Variants in SIK3 observed in about 807,000 individuals in gnomAD.
SIK3 encodes the protein SIK family kinase 3.
In SIK3, 28 loss-of-function variants were observed where a neutral mutation model predicts 144.2. The observed-to-expected ratio is 0.19, with a 90% CI of 0.14 to 0.27. SIK3 has a LOEUF of 0.27. SIK3 is among the 10% of genes least tolerant of loss of function. The pLI, the probability that SIK3 is intolerant of heterozygous loss-of-function variation, is 1.00. For synonymous variants in SIK3, 686 were observed against 676.3 expected (o/e 1.01, Z -0.22); for missense variants, 1,319 against 1,776.0 (o/e 0.74, Z 4.62).
In SIK3 at chr11:116,858,235, C is replaced by T. The variant is rs745572437; in HGVS notation, c.3230G>A (p.Ser1077Asn). 2.4e-5 allele frequency: 38 copies of T among 1,614,114 alleles called. No individual in the cohort carries two copies. The East Asian group carries it at 8.2e-4, about 35-fold the overall frequency. Reference sequence around the variant, plus strand: ...CTGTCCCCCAAGGCTGGGAGCCAGACTCCCCGCATCCCCTTGGTTCATGTG... The same window carrying T: ...CTGTCCCCCAAGGCTGGGAGCCAGATTCCCCGCATCCCCTTGGTTCATGTG... ...FRHMNQGDAGSLAPSLGGQSM... is the reference protein window; with the variant it reads ...FRHMNQGDAGNLAPSLGGQSM... Residue 1077 changes from serine (S) to asparagine (N), a missense_variant, in exon 21 of 25, where the codon AGT (serine) becomes AAT (asparagine). Coordinates refer to ENST00000445177, the MANE Select transcript of SIK3 (RefSeq NM_001366686.3). This position sits in a 1 kb window ranked among gnomAD's most constrained non-coding sequence, Gnocchi z 5.4.
chr11:117,087,274 C>A (rs1190245575), intron 1 of SIK3, among the ~76,000 whole-genome samples: 2 of 151,930 alleles, frequency 1.3e-5, no homozygotes, highest in Non-Finnish European at 2.9e-5. Context: ...TGAAACCCAT[C>A]TCTACTAAAA....
chr11:116,854,910 G>A (rs1424127985), intron 21 of SIK3, among the ~76,000 whole-genome samples: 2 of 151,776 alleles, frequency 1.3e-5, no homozygotes, highest in East Asian at 1.9e-4. Flanking sequence ...GGCCAACATG[G>A]TGAAACCCCG....
chr11:117,027,875 T>C (rs946792950), intron 1 of SIK3, among the ~76,000 whole-genome samples: 1 of 152,256 alleles, frequency 6.6e-6, no homozygotes, highest in Admixed American at 6.5e-5. Context: ...GGCAACCAAA[T>C]TATAGCAAAA....
intron 1 of SIK3, among the ~76,000 whole-genome samples, chr11:117,082,284 T>A (rs1180572726): frequency 1.3e-5 from 2 of 152,154 alleles, no homozygotes; most frequent in East Asian, 1.9e-4. Context: ...CCTAGGTATA[T>A]GCCCAAGAAA....
At chr11:116,966,835 A>G (rs1026016126) in intron 1 of SIK3, among the ~76,000 whole-genome samples, 24 of 151,870 alleles carry the variant, frequency 1.6e-4, no homozygotes, top group Admixed American at 1.6e-3. Flanking sequence ...CCCCGTCTCT[A>G]CTAAAAATAC....
intron 15 of SIK3, among the ~76,000 whole-genome samples, chr11:116,866,807 T>C (rs1943672471): frequency 6.6e-6 from 1 of 152,202 alleles, no homozygotes; most frequent in South Asian, 2.1e-4. Flanking sequence ...AAAGCCTGTC[T>C]TTCTGTGCCA....
chr11:117,014,124 C>A (rs1302888023), intron 1 of SIK3, among the ~76,000 whole-genome samples: 1 of 151,018 alleles, frequency 6.6e-6, no homozygotes, highest in Non-Finnish European at 1.5e-5. Context: ...GGATTACAGG[C>A]ATCAGCCACC....
intron 1 of SIK3, among the ~76,000 whole-genome samples, chr11:117,027,227 A>G (rs1364706805): frequency 1.3e-5 from 2 of 152,212 alleles, no homozygotes; most frequent in Non-Finnish European, 2.9e-5. Flanking sequence ...TCTCTGCTCT[A>G]ACTATACATC....
intron 1 of SIK3, among the ~76,000 whole-genome samples, chr11:117,051,690 G>A (rs1451163719): frequency 2.0e-5 from 3 of 151,680 alleles, no homozygotes; most frequent in Non-Finnish European, 2.9e-5. Flanking sequence ...CACCATGCCC[G>A]GCTAATTTTT....
In SIK3 at chr11:116,849,623, G is replaced by C. The variant is rs1466134482; in HGVS notation, c.3656-340C>G. 6.6e-6 allele frequency among the ~76,000 whole-genome samples: 1 copy of C among 152,048 alleles called. No individual in the cohort carries two copies. The highest frequency in any genetic ancestry group is 1.5e-5 in the Non-Finnish European group (1 of 68,014). On this transcript the variant is annotated intron_variant, in intron 21 of 24. Transcript: ENST00000445177. This position sits in a 1 kb window ranked among gnomAD's most constrained non-coding sequence, Gnocchi z 4.2. ...TGAGAATTACTCTCGGAGCTTTCAG[G>C]ACCCTCTAGCCCTAGAGGATGCATC...
At chr11:117,013,967 CTTTTCTTTTTTTTTTTTTTTTTTTTTT>C (rs1471853059) in intron 1 of SIK3, among the ~76,000 whole-genome samples, 1 of 7,374 alleles carries the variant, frequency 1.4e-4, no homozygotes, top group Admixed American at 2.2e-3. Flanking sequence ...TTCTTTTTTT[CTTTTCTTTTTTTTTTTTTTTTTTTTTT>C]GAGACAGGAT....
chr11:117,066,240 T>C (rs1954012333), intron 1 of SIK3, among the ~76,000 whole-genome samples: 1 of 151,918 alleles, frequency 6.6e-6, no homozygotes, highest in Non-Finnish European at 1.5e-5. Context: ...GGCTAATTTT[T>C]GTATTTTCAT....
chr11:116,930,049 T>TC (rs1332292277), intron 3 of SIK3, among the ~76,000 whole-genome samples: 10 of 152,084 alleles, frequency 6.6e-5, no homozygotes, highest in Non-Finnish European at 1.3e-4. Flanking sequence ...CTTTTTTTTT[T>TC]CCCCTGGACT....
intron 1 of SIK3, among the ~76,000 whole-genome samples, chr11:117,064,077 A>G (rs1399886138): frequency 1.3e-5 from 2 of 152,208 alleles, no homozygotes; most frequent in Non-Finnish European, 2.9e-5. Context: ...GCACAGCATT[A>G]AGAATTCACA....
rs557991935 is a variant in SIK3, at chr11:116,987,133, AAAAC to A, written c.274-30073_274-30070del. Among the ~76,000 whole-genome samples the A allele has an allele frequency of 5.3e-5, 8 of 152,280 alleles. 1 individual carries two copies. The South Asian group carries it at 1.5e-3, about 28-fold the overall frequency. ...TTTTATATTATGTGCATTTTACCACAAAACAAACAAACAAATTGGTACTAGCTCA... is the reference window on the plus strand; with the variant it reads ...TTTTATATTATGTGCATTTTACCACAAAACAAACAAATTGGTACTAGCTCA... On this transcript the variant is annotated intron_variant, in intron 1 of 24. Coordinates refer to ENST00000445177, the MANE Select transcript of SIK3 (RefSeq NM_001366686.3).
At position 116,862,475 on chromosome 11, in the gene SIK3, C is replaced by T. The variant is rs951333928; in HGVS notation, c.2104-148G>A. Reference sequence around the variant, plus strand: ...CTTGATGAGCAATTAACTCATTTACCTAAGTATCTGGTGCACTAAATAGAT... The same window carrying T: ...CTTGATGAGCAATTAACTCATTTACTTAAGTATCTGGTGCACTAAATAGAT... On this transcript the variant is annotated intron_variant, in intron 16 of 24. Transcript: ENST00000445177. 2.2e-5 allele frequency: 21 copies of T among 938,290 alleles called. No individual in the cohort carries two copies. In the African/African-American group the frequency reaches 2.8e-4, roughly 12 times the overall value. 58.1% of individuals were successfully genotyped at this position (938,290 alleles called of 1,614,324 possible).
intron 1 of SIK3, among the ~76,000 whole-genome samples, chr11:117,079,700 A>G (rs1042548947): frequency 6.6e-6 from 1 of 152,128 alleles, no homozygotes; most frequent in Non-Finnish European, 1.5e-5. Flanking sequence ...ATGGGTAAAT[A>G]TTTTTATATA....
Position 116,874,016 on chromosome 11 carries a change from A to G in SIK3, c.1468T>C (p.Phe490Leu). ...GGAGCCTGGGGGTTGACTCCAGGAA[A>G]GCCAGGTAGGAGCTTCTGCAGATCT... Reference protein sequence around the residue: ...MEDLQKLLPGFPGVNPQAPFL... With the variant: ...MEDLQKLLPGLPGVNPQAPFL... The change falls in exon 12 of 25, where the codon TTT becomes CTT. Residue 490 changes from phenylalanine (F) to leucine (L), a missense_variant. By Grantham distance (22) the Phe-to-Leu change is conservative (BLOSUM62 0). Transcript: ENST00000445177. 6.2e-7 allele frequency: 1 copy of G among 1,614,174 alleles called. No homozygotes were observed. The highest frequency in any genetic ancestry group is 8.5e-7 in the Non-Finnish European group (1 of 1,180,018).
chr11:117,035,257 G>A (rs1029094236), intron 1 of SIK3, among the ~76,000 whole-genome samples: 3 of 152,088 alleles, frequency 2.0e-5, no homozygotes, highest in Non-Finnish European at 4.4e-5. Flanking sequence ...GGCAGAGATA[G>A]GCAATGAGGA....
Sources: allele counts gnomAD v4.1 joint callset (sites outside exome capture counted in the v4.1 genomes callset), GRCh38; gene constraint gnomAD v4.1.1; non-coding constraint Gnocchi (gnomAD v3.1); transcripts MANE v1.5; gene names NCBI Gene and HGNC (gene_info 2026-07-23, HGNC 2026-07-21).